TOM1L2: variants seen among roughly 807,000 people sequenced by gnomAD.
The protein encoded by TOM1L2 is TOM1-like protein 2.
TOM1L2 carries 31 observed loss-of-function variants against 67.9 expected under a neutral mutation model. The observed-to-expected ratio is 0.46, with a 90% CI of 0.34 to 0.62. The LOEUF is 0.62. Among genes scored for constraint, TOM1L2 ranks in the 20% least tolerant of loss-of-function variants. The pLI is 0.01. For missense variants in TOM1L2, 606 were observed against 663.5 expected (o/e 0.91, Z 0.95); for synonymous variants, 256 against 254.0 (o/e 1.01, Z -0.07).
intron 1 of TOM1L2, among the ~76,000 whole-genome samples, chr17:17,938,798 G>A (rs1291761905): frequency 6.6e-6 from 1 of 150,540 alleles, no homozygotes; most frequent in Non-Finnish European, 1.5e-5. Context: ...TTGTAAAGAG[G>A]TCTTGCTAAA....
intron 3 of TOM1L2, among the ~76,000 whole-genome samples, chr17:17,894,397 A>T (rs775331072): frequency 1.3e-5 from 2 of 152,204 alleles, no homozygotes; most frequent in Non-Finnish European, 2.9e-5. Flanking sequence ...GTCCATGTTC[A>T]ATTCAGACCC....
intron 10 of TOM1L2, among the ~76,000 whole-genome samples, chr17:17,864,050 G>A (rs1426721553): frequency 1.3e-5 from 2 of 151,962 alleles, no homozygotes; most frequent in Non-Finnish European, 2.9e-5. Context: ...TGTATTTTTA[G>A]TAGAGATGAG....
intron 1 of TOM1L2, among the ~76,000 whole-genome samples, chr17:17,911,455 T>A (rs919688139): frequency 3.3e-5 from 5 of 152,192 alleles, no homozygotes; most frequent in African/African-American, 9.6e-5. Flanking sequence ...CACTGTTCCC[T>A]AGAACACTTG....
chr17:17,893,102 TAACA>T (rs970070898), intron 4 of TOM1L2, among the ~76,000 whole-genome samples: 2 of 152,232 alleles, frequency 1.3e-5, no homozygotes, highest in African/African-American at 4.8e-5. Flanking sequence ...CAGTGAGTGA[TAACA>T]AATACAACCC....
intron 13 of TOM1L2, among the ~76,000 whole-genome samples, chr17:17,849,580 T>C (rs1341431381): frequency 6.6e-6 from 1 of 152,202 alleles, no homozygotes; most frequent in Non-Finnish European, 1.5e-5. Context: ...TTGGAGAACA[T>C]GGTAGTGTCT....
intron 1 of TOM1L2, among the ~76,000 whole-genome samples, chr17:17,913,793 TAAG>T (rs1262741416): frequency 1.3e-5 from 2 of 152,146 alleles, no homozygotes; most frequent in African/African-American, 4.8e-5. Flanking sequence ...AGGGTGAATA[TAAG>T]GTTAATGGAT....
intron 13 of TOM1L2, among the ~76,000 whole-genome samples, chr17:17,850,212 GC>G (rs2035881605): frequency 6.6e-6 from 1 of 152,184 alleles, no homozygotes; most frequent in South Asian, 2.1e-4. Flanking sequence ...CGCCACCCTG[GC>G]CCCCTACTGG....
chr17:17,913,463 A>G (rs923423117), intron 1 of TOM1L2, among the ~76,000 whole-genome samples: 5 of 151,964 alleles, frequency 3.3e-5, no homozygotes, highest in Non-Finnish European at 7.4e-5. Context: ...TAGGCTCTTC[A>G]TGAGTGCTTC....
Position 17,844,725 on chromosome 17 carries a change from T to C in TOM1L2, c.*2910A>G, listed in dbSNP as rs1036293314. 1 of 152,238 alleles carries C rather than the reference T, an allele frequency of 6.6e-6. No individual in the cohort carries two copies. The highest frequency in any genetic ancestry group is 1.5e-5 in the Non-Finnish European group (1 of 68,024). 9.4% of individuals were successfully genotyped at this position (152,238 alleles called of 1,614,324 possible). On this transcript the variant is annotated 3_prime_UTR_variant, in exon 15 of 15. Coordinates refer to ENST00000379504, the MANE Select transcript of TOM1L2 (RefSeq NM_001082968.2). ...GGGGCCCAACTGCACATAGCGCCAT[T>C]CTCTGCCGCCCAGTGGCCAAAAAGG...
At chr17:17,956,033 T>C (rs2041426996) in intron 1 of TOM1L2, among the ~76,000 whole-genome samples, 1 of 152,208 alleles carries the variant, frequency 6.6e-6, no homozygotes, top group Admixed American at 6.5e-5. Flanking sequence ...TTACAGCTCA[T>C]AAAAGCAGTG....
chr17:17,912,348 A>G (rs2039411159), intron 1 of TOM1L2, among the ~76,000 whole-genome samples: 1 of 151,450 alleles, frequency 6.6e-6, no homozygotes, highest in African/African-American at 2.4e-5. Context: ...CACTTCCCAG[A>G]CGGGGTGGCT....
intron 7 of TOM1L2, among the ~76,000 whole-genome samples, chr17:17,870,372 T>C (rs1270753424): frequency 1.3e-5 from 2 of 152,118 alleles, no homozygotes; most frequent in Non-Finnish European, 2.9e-5. Context: ...CAGAGCTCCG[T>C]CAATTCCTGC....
intron 4 of TOM1L2, among the ~76,000 whole-genome samples, chr17:17,891,423 A>C (rs1231466203): frequency 2.0e-5 from 3 of 152,112 alleles, no homozygotes; most frequent in Non-Finnish European, 4.4e-5. Context: ...GAAAGCTTGG[A>C]GGTGAGGGCA....
At chr17:17,859,737 C>T (rs886446037) in intron 12 of TOM1L2, 13 of 152,160 alleles carry the variant, frequency 8.5e-5, no homozygotes, top group African/African-American at 2.7e-4. Context: ...AAAAATTAGC[C>T]GGCTGTGGTG....
intron 1 of TOM1L2, among the ~76,000 whole-genome samples, chr17:17,954,556 A>G (rs962896754): frequency 6.6e-6 from 1 of 152,032 alleles, no homozygotes; most frequent in African/African-American, 2.4e-5. Flanking sequence ...CAGATGACCC[A>G]CCCACCTTGG....
chr17:17,911,733 T>A (rs1434309394), intron 1 of TOM1L2, among the ~76,000 whole-genome samples: 1 of 149,264 alleles, frequency 6.7e-6, no homozygotes, highest in Non-Finnish European at 1.5e-5. Flanking sequence ...AGGACAATAG[T>A]GGAGGGAAGG....
chr17:17,920,427 G>A (rs368089054), intron 1 of TOM1L2, among the ~76,000 whole-genome samples: 79 of 142,784 alleles, frequency 5.5e-4, no homozygotes, highest in Middle Eastern at 3.7e-3. Flanking sequence ...CACAACCGCC[G>A]GCTCCCGGGT....
chr17:17,966,968 G>A (rs975368529), intron 1 of TOM1L2, among the ~76,000 whole-genome samples: 6 of 152,146 alleles, frequency 3.9e-5, no homozygotes, highest in African/African-American at 1.4e-4. Flanking sequence ...GACTCAGACT[G>A]GCTTCCTTGC....
At chr17:17,922,006 C>T (rs1250658563) in intron 1 of TOM1L2, among the ~76,000 whole-genome samples, 1 of 152,124 alleles carries the variant, frequency 6.6e-6, no homozygotes, top group African/African-American at 2.4e-5. Context: ...ATGTGAATGC[C>T]ACTCCTTGGG....
Sources: gnomAD v4.1 joint callset for allele counts (sites outside exome capture counted in the v4.1 genomes callset) on GRCh38, gnomAD v4.1.1 for gene constraint, MANE v1.5 for transcripts, NCBI Gene and HGNC (gene_info 2026-07-23, HGNC 2026-07-21) for gene names.